The following DNAJC30 variants were observed in gnomAD, a reference collection of about 807,000 sequenced individuals.
DNAJC30 encodes dnaJ homolog subfamily C member 30, mitochondrial.
DNAJC30 carries 16 observed loss-of-function variants against 15.4 expected under a neutral mutation model. That is an observed-to-expected ratio of 1.04 (90% CI 0.70 to 1.58). The LOEUF (loss-of-function observed/expected upper bound fraction) is 1.58. DNAJC30 is among the 40% of genes most tolerant of loss of function. DNAJC30 has a pLI of 0.00. For synonymous variants in DNAJC30, 161 were observed against 140.2 expected (o/e 1.15, Z -1.05); for missense variants, 352 against 320.9 (o/e 1.10, Z -0.74).
rs1466861785 is a variant in DNAJC30, at chr7:73,683,205, G to A, written c.219C>T (p.Cys73=). 6.2e-7 allele frequency: 1 copy of A among 1,614,102 alleles called. No individual in the cohort carries two copies. Among genetic ancestry groups the A allele is most frequent in the Non-Finnish European group, 8.5e-7 (1 of 1,180,062 alleles). The part of the protein sequence containing the change: ...AQIKAAYYRQ[C]FLYHPDRNSG... The stretch of plus-strand genomic sequence containing the variant: ...AGTTGCGGTCCGGGTGGTAGAGAAA[G>A]CACTGACGGTAGTAAGCCGCCTTGA... Residue 73 remains cysteine, a synonymous_variant, in exon 1 of 1, where the codon TGC becomes TGT. Coordinates refer to ENST00000395176, the MANE Select transcript of DNAJC30 (RefSeq NM_032317.3).
In DNAJC30 at chr7:73,683,134, G is replaced by C. The variant is rs1554611706; in HGVS notation, c.290C>G (p.Ala97Gly). ...AAERFTRISQ[A>G]YVVLGSATLR... is the part of the protein sequence containing the mutation. ...GGTGGCACTGCCCAGCACCACGTAGGCCTGGGAGATGCGCGTGAAGCGCTC... is the reference window on the plus strand; with the variant it reads ...GGTGGCACTGCCCAGCACCACGTAGCCCTGGGAGATGCGCGTGAAGCGCTC... The change falls in exon 1 of 1, where the codon GCC becomes GGC. Residue 97 changes from alanine (A) to glycine (G), a missense_variant. Coordinates refer to ENST00000395176, the MANE Select transcript of DNAJC30 (RefSeq NM_032317.3). The C allele has an allele frequency of 9.3e-6, 15 of 1,614,034 alleles. No individual in the cohort carries two copies. The highest frequency in any genetic ancestry group is 1.3e-5 in the Non-Finnish European group (15 of 1,180,000).
In DNAJC30 at chr7:73,682,700, TG is replaced by T. The variant is rs782810760; in HGVS notation, c.*42del. 5 of 1,554,182 alleles carry T rather than the reference TG, an allele frequency of 3.2e-6. No homozygotes were observed. The highest frequency in any genetic ancestry group is 4.3e-6 in the Non-Finnish European group (5 of 1,149,824). On this transcript the variant is annotated 3_prime_UTR_variant, in exon 1 of 1. Coordinates refer to ENST00000395176, the MANE Select transcript of DNAJC30 (RefSeq NM_032317.3). Reference sequence around the variant, plus strand: ...CAGAGGCAGGAAAAAAGGCCGTTTCTGGGGGGTTGGCTGGGGACACTCCCCT... The same window carrying T: ...CAGAGGCAGGAAAAAAGGCCGTTTCTGGGGGTTGGCTGGGGACACTCCCCT...
At position 73,683,141 on chromosome 7, in the gene DNAJC30, AG is replaced by A. The variant is rs782623205; in HGVS notation, c.282del (p.Ser95ProfsTer88). 1.9e-6 allele frequency: 3 copies of A among 1,613,974 alleles called. No homozygotes were observed. In the African/African-American group the frequency reaches 4.0e-5, roughly 22 times the overall value. The stretch of plus-strand genomic sequence containing the variant: ...CTGCCCAGCACCACGTAGGCCTGGG[AG>A]ATGCGCGTGAAGCGCTCGGCGGCCT... Reference protein sequence around the residue: ...SAEAAERFTRISQAYVVLGSA... With the variant: ...SAEAAERFTRXSQAYVVLGSA... On this transcript the variant is annotated frameshift_variant, in exon 1 of 1. Coordinates refer to ENST00000395176, the MANE Select transcript of DNAJC30 (RefSeq NM_032317.3). LOFTEE classifies it high-confidence loss of function.
At position 73,683,411 on chromosome 7, in the gene DNAJC30, G is replaced by T. The variant is rs1554611877; in HGVS notation, c.13C>A (p.Arg5Ser). MAAM[R>S]WRWWQRLLPW... Reference sequence around the variant, plus strand: ...AACAGCCGCTGCCACCATCGCCAGCGCATGGCTGCCATGTTGAATTGATTC... The same window carrying T: ...AACAGCCGCTGCCACCATCGCCAGCTCATGGCTGCCATGTTGAATTGATTC... The change falls in exon 1 of 1, where the codon CGC becomes AGC. Residue 5 changes from arginine to serine, a missense_variant. Arg to Ser is a moderately radical substitution (Grantham distance 110, BLOSUM62 -1). Coordinates refer to ENST00000395176, the MANE Select transcript of DNAJC30 (RefSeq NM_032317.3). The T allele has an allele frequency of 1.2e-6, 2 of 1,611,824 alleles. No individual in the cohort carries two copies. The highest frequency in any genetic ancestry group is 2.2e-5 in the South Asian group (2 of 91,056).
chr7:73,683,395 T>A lies in DNAJC30; in HGVS notation c.29A>T (p.Gln10Leu), dbSNP rs782467804. The A allele has an allele frequency of 3.4e-5, 55 of 1,612,218 alleles. No homozygotes were observed. Among genetic ancestry groups the A allele is most frequent in the Non-Finnish European group, 4.6e-5 (54 of 1,179,476 alleles). ...CAGCAACCTCCAAGGTAACAGCCGC[T>A]GCCACCATCGCCAGCGCATGGCTGC... MAAMRWRWW[Q>L]RLLPWRLLQA... Residue 10 changes from glutamine to leucine, a missense_variant, in exon 1 of 1, where the codon CAG (glutamine) becomes CTG (leucine). Coordinates refer to ENST00000395176, the MANE Select transcript of DNAJC30 (RefSeq NM_032317.3).
rs1323325476 is a variant in DNAJC30, at chr7:73,682,860, G to A, written c.564C>T (p.Ala188=). ...ACCGATACTCCTGCCGTTTGCGAAGGGCCTCCCGCCGGGCCCTCAGGCGCC... is the reference window on the plus strand; with the variant it reads ...ACCGATACTCCTGCCGTTTGCGAAGAGCCTCCCGCCGGGCCCTCAGGCGCC... ...RERRLRARRE[A]LRKRQEYRSM... The change falls in exon 1 of 1, where the codon GCC becomes GCT. Residue 188 remains alanine, a synonymous_variant. Transcript: ENST00000395176. 8 of 1,613,948 alleles carry A rather than the reference G, an allele frequency of 5.0e-6. No homozygotes were observed. The African/African-American group carries it at 8.0e-5, about 16-fold the overall frequency.
rs781998031 is a variant in DNAJC30 at position 73,682,796 on chromosome 7, C to G, written c.628G>C (p.Ala210Pro). ...ATTGAAAAGATGAGGAAAATGGCAG[C>G]CGTGTCTCGGGTATCCTCCCAGCGG... ...GLRWEDTRDT[A>P]AIFLIFSIFI... is the part of the protein sequence containing the mutation. The change falls in exon 1 of 1, where the codon GCT becomes CCT. Residue 210 changes from alanine (A) to proline (P), a missense_variant. Transcript: ENST00000395176. 2 of 1,612,550 alleles carry G rather than the reference C, an allele frequency of 1.2e-6. No individual in the cohort carries two copies. Among genetic ancestry groups the G allele is most frequent in the Non-Finnish European group, 1.7e-6 (2 of 1,179,034 alleles).
Position 73,682,638 on chromosome 7 carries a change from G to C in DNAJC30, c.*105C>G. ...GGGCAGGGGGAGTACAGTTCCTTCG[G>C]ATCCCAGCAAAGGTAGACTATCAAT... On this transcript the variant is annotated 3_prime_UTR_variant, in exon 1 of 1. Coordinates refer to ENST00000395176, the MANE Select transcript of DNAJC30 (RefSeq NM_032317.3). 1 of 1,391,062 alleles carries C rather than the reference G, an allele frequency of 7.2e-7. No homozygotes were observed. Among genetic ancestry groups the C allele is most frequent in the Non-Finnish European group, 9.6e-7 (1 of 1,041,540 alleles). The allele number at this position is 1,391,062 out of a possible 1,614,324, so 86.2% of individuals were successfully genotyped here. A position where few individuals can be genotyped will look rare whatever the true frequency, so the allele number is the denominator to read the frequency against.
chr7:73,683,417 C>T lies in DNAJC30; in HGVS notation c.7G>A (p.Ala3Thr). The T allele has an allele frequency of 6.2e-7, 1 of 1,611,528 alleles. No individual in the cohort carries two copies. The highest frequency in any genetic ancestry group is 8.5e-7 in the Non-Finnish European group (1 of 1,179,072). Residue 3 changes from alanine to threonine, a missense_variant, in exon 1 of 1, where the codon GCC becomes ACC. Transcript: ENST00000395176. Reference sequence around the variant, plus strand: ...CGCTGCCACCATCGCCAGCGCATGGCTGCCATGTTGAATTGATTCGGCAGG... The same window carrying T: ...CGCTGCCACCATCGCCAGCGCATGGTTGCCATGTTGAATTGATTCGGCAGG... MAAMRWRWWQRLL... is the reference protein window; with the variant it reads MATMRWRWWQRLL...
Position 73,682,654 on chromosome 7 carries a change from G to A in DNAJC30, c.*89C>T. On this transcript the variant is annotated 3_prime_UTR_variant, in exon 1 of 1. Coordinates refer to ENST00000395176, the MANE Select transcript of DNAJC30 (RefSeq NM_032317.3). Reference sequence around the variant, plus strand: ...GTTCCTTCGGATCCCAGCAAAGGTAGACTATCAATGGCCAAGGGTTCAGAG... The same window carrying A: ...GTTCCTTCGGATCCCAGCAAAGGTAAACTATCAATGGCCAAGGGTTCAGAG... 5 of 1,469,232 alleles carry A rather than the reference G, an allele frequency of 3.4e-6. No individual in the cohort carries two copies. The highest frequency in any genetic ancestry group is 4.5e-6 in the Non-Finnish European group (5 of 1,098,988). The allele number at this position is 1,469,232 out of a possible 1,614,324, so 91.0% of individuals were successfully genotyped here. A position where few individuals can be genotyped will look rare whatever the true frequency, so the allele number is the denominator to read the frequency against.
In DNAJC30 at chr7:73,682,581, CA is replaced by C; in HGVS notation, c.*161del. 2 of 783,916 alleles carry C rather than the reference CA, an allele frequency of 2.6e-6. No individual in the cohort carries two copies. The highest frequency in any genetic ancestry group is 5.5e-5 in the East Asian group (2 of 36,116). 48.6% of individuals were successfully genotyped at this position (783,916 alleles called of 1,614,324 possible). Reference sequence around the variant, plus strand: ...TTCTGGACCACAGTGGAGCGATGTGCAGGTCATCGGCTAAGCTGGGCGGGTC... The same window carrying C: ...TTCTGGACCACAGTGGAGCGATGTGCGGTCATCGGCTAAGCTGGGCGGGTC... On this transcript the variant is annotated 3_prime_UTR_variant, in exon 1 of 1. Transcript: ENST00000395176.
chr7:73,683,348 T>A lies in DNAJC30; in HGVS notation c.76A>T (p.Asn26Tyr). The change falls in exon 1 of 1, where the codon AAT (asparagine) becomes TAT (tyrosine). Residue 26 changes from asparagine to tyrosine, a missense_variant. By Grantham distance (143) the Asn-to-Tyr change is moderately radical (BLOSUM62 -2). Coordinates refer to ENST00000395176, the MANE Select transcript of DNAJC30 (RefSeq NM_032317.3). ...CCTAGGCCCAGGCTGGGTGCAGAAT[T>A]TTGTGGAAAGCCACGGGCCTGCAGC... ...RLLQARGFPQ[N>Y]SAPSLGLGAR... 6.2e-7 allele frequency: 1 copy of A among 1,613,604 alleles called. No homozygotes were observed. The highest frequency in any genetic ancestry group is 8.5e-7 in the Non-Finnish European group (1 of 1,180,032).
In DNAJC30 at chr7:73,682,548, G is replaced by T. The variant is rs1227839148; in HGVS notation, c.*195C>A. 5.0e-6 allele frequency: 3 copies of T among 600,000 alleles called. No homozygotes were observed. The highest frequency in any genetic ancestry group is 5.7e-5 in the South Asian group (2 of 35,362). The allele number at this position is 600,000 out of a possible 1,614,324, so 37.2% of individuals were successfully genotyped here. ...GGGCCTCTTTCTCAGACATCGAAAG[G>T]CCTCCTTTTCTGGACCACAGTGGAG... On this transcript the variant is annotated 3_prime_UTR_variant, in exon 1 of 1. Coordinates refer to ENST00000395176, the MANE Select transcript of DNAJC30 (RefSeq NM_032317.3).
At position 73,683,049 on chromosome 7, in the gene DNAJC30, G is replaced by C; in HGVS notation, c.375C>G (p.Val125=). 2 of 1,593,120 alleles carry C rather than the reference G, an allele frequency of 1.3e-6. No homozygotes were observed. Among genetic ancestry groups the C allele is most frequent in the South Asian group, 2.2e-5 (2 of 88,982 alleles). The change falls in exon 1 of 1, where the codon GTC becomes GTG. Residue 125 remains valine (V), a synonymous_variant. Transcript: ENST00000395176. ...CGGGTGCGGGCGTCCTGGAGGGCCG[G>C]ACGCCAGGTCCGCGCAGGTCCTCGT... is the stretch of plus-strand genomic sequence containing the variant. ...LSDEDLRGPG[V]RPSRTPAPDP...
chr7:73,682,992 G>A lies in DNAJC30; in HGVS notation c.432C>T (p.Thr144=), dbSNP rs370999532. The change falls in exon 1 of 1, where the codon ACC becomes ACT. Residue 144 remains threonine, a synonymous_variant. Coordinates refer to ENST00000395176, the MANE Select transcript of DNAJC30 (RefSeq NM_032317.3). ...CCCGAGAACCGTCGTGGGTCCGAGAGGTGGGCGGCGGGGTACGCGGCGAGC... is the reference window on the plus strand; with the variant it reads ...CCCGAGAACCGTCGTGGGTCCGAGAAGTGGGCGGCGGGGTACGCGGCGAGC... The part of the protein sequence containing the change: ...DPGSPRTPPP[T]SRTHDGSRAS... 2.7e-5 allele frequency: 43 copies of A among 1,596,760 alleles called. No individual in the cohort carries two copies. The highest frequency in any genetic ancestry group is 3.5e-5 in the Non-Finnish European group (41 of 1,169,572).
rs782382610 is a variant in DNAJC30, at chr7:73,683,408, A to C, written c.16T>G (p.Trp6Gly). 1 of 1,611,970 alleles carries C rather than the reference A, an allele frequency of 6.2e-7. No individual in the cohort carries two copies. The highest frequency in any genetic ancestry group is 8.5e-7 in the Non-Finnish European group (1 of 1,179,266). Residue 6 changes from tryptophan to glycine, a missense_variant, in exon 1 of 1, where the codon TGG (tryptophan) becomes GGG (glycine). Coordinates refer to ENST00000395176, the MANE Select transcript of DNAJC30 (RefSeq NM_032317.3). ...GGTAACAGCCGCTGCCACCATCGCCAGCGCATGGCTGCCATGTTGAATTGA... is the reference window on the plus strand; with the variant it reads ...GGTAACAGCCGCTGCCACCATCGCCCGCGCATGGCTGCCATGTTGAATTGA... MAAMR[W>G]RWWQRLLPWR...
chr7:73,683,383 G>A lies in DNAJC30; in HGVS notation c.41C>T (p.Pro14Leu), dbSNP rs61751896. 58,344 of 1,612,600 alleles carry A rather than the reference G, an allele frequency of 0.036. 1,121 individuals are homozygous for A. The highest frequency in any genetic ancestry group is 0.041 in the African/African-American group (3,091 of 75,064). ...GCCACGGGCCTGCAGCAACCTCCAA[G>A]GTAACAGCCGCTGCCACCATCGCCA... The part of the protein sequence containing the change: ...MRWRWWQRLL[P>L]WRLLQARGFP... The change falls in exon 1 of 1, where the codon CCT becomes CTT. Residue 14 changes from proline (P) to leucine (L), a missense_variant. Pro to Leu is a moderately conservative substitution (Grantham distance 98). Coordinates refer to ENST00000395176, the MANE Select transcript of DNAJC30 (RefSeq NM_032317.3).
chr7:73,682,701 G>C lies in DNAJC30; in HGVS notation c.*42C>G, dbSNP rs372985556. 9 of 1,554,142 alleles carry C rather than the reference G, an allele frequency of 5.8e-6. No individual in the cohort carries two copies. The highest frequency in any genetic ancestry group is 5.5e-5 in the African/African-American group (4 of 72,608). On this transcript the variant is annotated 3_prime_UTR_variant, in exon 1 of 1. Transcript: ENST00000395176. ...AGAGGCAGGAAAAAAGGCCGTTTCT[G>C]GGGGGTTGGCTGGGGACACTCCCCT...
Position 73,682,615 on chromosome 7 carries a change from G to A in DNAJC30, c.*128C>T. 8.4e-7 allele frequency: 1 copy of A among 1,188,926 alleles called. No homozygotes were observed. Among genetic ancestry groups the A allele is most frequent in the Non-Finnish European group, 1.1e-6 (1 of 874,396 alleles). 73.6% of individuals were successfully genotyped at this position (1,188,926 alleles called of 1,614,324 possible). ...GGCTAAGCTGGGCGGGTCGGGGAGG[G>A]CAGGGGGAGTACAGTTCCTTCGGAT... On this transcript the variant is annotated 3_prime_UTR_variant, in exon 1 of 1. Transcript: ENST00000395176.
Sources: allele counts gnomAD v4.1 joint callset, GRCh38; gene constraint gnomAD v4.1.1; transcripts MANE v1.5; gene names NCBI Gene and HGNC (gene_info 2026-07-23, HGNC 2026-07-21).